The following MACROD2 variants were observed in gnomAD, a reference collection of about 807,000 sequenced individuals.
The protein encoded by MACROD2 is ADP-ribose glycohydrolase MACROD2.
MACROD2 carries 36 observed loss-of-function variants against 70.4 expected under a neutral mutation model. The ratio of observed to expected loss-of-function variants is 0.51; its 90% confidence interval spans 0.39 to 0.68. The LOEUF (loss-of-function observed/expected upper bound fraction) is 0.68. Ranked by LOEUF, MACROD2 falls within the 30% of genes least tolerant of loss-of-function variation. The pLI, the probability that MACROD2 is intolerant of heterozygous loss-of-function variation, is 0.00. For missense variants in MACROD2, 496 were observed against 538.4 expected (o/e 0.92, Z 0.78); for synonymous variants, 172 against 178.8 (o/e 0.96, Z 0.30).
chr20:15,049,464 G>T (rs2075421869), intron 5 of MACROD2, among the ~76,000 whole-genome samples: 1 of 151,558 alleles, frequency 6.6e-6, no homozygotes, highest in Non-Finnish European at 1.5e-5. Flanking sequence ...TTCAAGAGAA[G>T]TAAAAAAAAA....
intron 8 of MACROD2, among the ~76,000 whole-genome samples, chr20:15,612,814 T>C (rs1243981899): frequency 2.6e-5 from 4 of 152,210 alleles, no homozygotes; most frequent in African/African-American, 9.6e-5. Context: ...CATCTTAGGC[T>C]TCTGGCTATA....
intron 5 of MACROD2, among the ~76,000 whole-genome samples, chr20:15,184,857 T>G (rs1299877445): frequency 6.6e-6 from 1 of 152,178 alleles, no homozygotes; most frequent in Non-Finnish European, 1.5e-5. Context: ...TTAATATATG[T>G]TTAAAATACA....
At chr20:14,582,731 C>T (rs1467508779) in intron 4 of MACROD2, among the ~76,000 whole-genome samples, 1 of 152,090 alleles carries the variant, frequency 6.6e-6, no homozygotes, top group Non-Finnish European at 1.5e-5. Flanking sequence ...TTAATAAGGA[C>T]CACCCAGATA....
chr20:15,562,277 G>C (rs1202213163), intron 8 of MACROD2, among the ~76,000 whole-genome samples: 1 of 152,078 alleles, frequency 6.6e-6, no homozygotes, highest in African/African-American at 2.4e-5. Flanking sequence ...GTTTCTGATG[G>C]AATCCTAACC....
intron 5 of MACROD2, among the ~76,000 whole-genome samples, chr20:14,907,026 G>A (rs2073967416): frequency 6.6e-6 from 1 of 152,148 alleles, no homozygotes; most frequent in Admixed American, 6.5e-5. Flanking sequence ...TTGGACACTG[G>A]ACCAAATTGC....
chr20:14,713,520 T>A (rs2071362055), intron 5 of MACROD2, among the ~76,000 whole-genome samples: 1 of 152,146 alleles, frequency 6.6e-6, no homozygotes, highest in Non-Finnish European at 1.5e-5. Context: ...CTCCAAGAAT[T>A]TTCCAAGTCT....
intron 3 of MACROD2, chr20:14,323,155 T>C (rs2082681710): frequency 6.6e-6 from 1 of 151,870 alleles, no homozygotes; most frequent in South Asian, 2.1e-4. Context: ...GGAAATTGTG[T>C]CATATCCCAC....
chr20:14,176,012 C>T (rs1395693417), intron 3 of MACROD2, among the ~76,000 whole-genome samples: 1 of 152,178 alleles, frequency 6.6e-6, no homozygotes, highest in Non-Finnish European at 1.5e-5. Context: ...TATAGTTCAG[C>T]ATTAGTAGGG....
intron 3 of MACROD2, among the ~76,000 whole-genome samples, chr20:14,208,725 A>AG (rs996478612): frequency 1.6e-4 from 25 of 152,026 alleles, no homozygotes; most frequent in African/African-American, 5.8e-4. Flanking sequence ...TGCTGATTAG[A>AG]GTTGGTTTTC....
intron 15 of MACROD2, among the ~76,000 whole-genome samples, chr20:16,004,281 A>G (rs960757671): frequency 1.3e-5 from 2 of 152,136 alleles, no homozygotes; most frequent in Non-Finnish European, 2.9e-5. Flanking sequence ...TTTCTCCCAC[A>G]GTGGCAGGTG....
At chr20:15,940,170 T>G (rs764520163) in intron 12 of MACROD2, among the ~76,000 whole-genome samples, 5 of 152,134 alleles carry the variant, frequency 3.3e-5, no homozygotes, top group Non-Finnish European at 7.4e-5. Context: ...CTTGGCTCAC[T>G]GCAACCTCCG....
Position 15,616,592 on chromosome 20 carries a change from T to C in MACROD2, c.645+116745T>C, listed in dbSNP as rs76880922. 4.0e-3 allele frequency among the ~76,000 whole-genome samples: 602 copies of C among 152,298 alleles called. 1 individual carries two copies. Among genetic ancestry groups the C allele is most frequent in the African/African-American group, 0.014 (570 of 41,562 alleles). ...TAAACGCCCCAGGACATGACTGCTC[T>C]GTCTGCCCTTCCATACCTCTAGACG... On this transcript the variant is annotated intron_variant, in intron 8 of 17. Coordinates refer to ENST00000684519, the MANE Select transcript of MACROD2 (RefSeq NM_001351661.2).
chr20:15,134,929 C>T (rs1441981176), intron 5 of MACROD2, among the ~76,000 whole-genome samples: 1 of 152,108 alleles, frequency 6.6e-6, no homozygotes, highest in Non-Finnish European at 1.5e-5. Flanking sequence ...GAGAATACTA[C>T]AAGCACCTCT....
intron 9 of MACROD2, among the ~76,000 whole-genome samples, chr20:15,872,837 C>T (rs1335865393): frequency 6.6e-6 from 1 of 152,052 alleles, no homozygotes; most frequent in East Asian, 1.9e-4. Context: ...GTTGCTTATC[C>T]TTCTGATCTT....
At chr20:14,029,790 T>G (rs2053224403) in intron 2 of MACROD2, among the ~76,000 whole-genome samples, 1 of 152,228 alleles carries the variant, frequency 6.6e-6, no homozygotes, top group Non-Finnish European at 1.5e-5. Flanking sequence ...TAAAATAATT[T>G]ACCTTTGTAC....
intron 8 of MACROD2, among the ~76,000 whole-genome samples, chr20:15,741,334 C>T (rs1046855355): frequency 5.3e-5 from 8 of 151,210 alleles, no homozygotes; most frequent in Non-Finnish European, 2.9e-5. Context: ...CTTCTGACCT[C>T]GTGATCTGCC....
intron 5 of MACROD2, among the ~76,000 whole-genome samples, chr20:14,761,896 C>G (rs1338665028): frequency 6.6e-6 from 1 of 152,148 alleles, no homozygotes; most frequent in Non-Finnish European, 1.5e-5. Flanking sequence ...GAAAACAAGT[C>G]AGTAAATACT....
intron 4 of MACROD2, among the ~76,000 whole-genome samples, chr20:14,641,065 C>T (rs1985063523): frequency 2.0e-5 from 3 of 152,220 alleles, no homozygotes; most frequent in South Asian, 2.1e-4. Context: ...TATCAGTCCT[C>T]TCAAACCCTG....
At chr20:15,736,246 A>G (rs1371905173) in intron 8 of MACROD2, among the ~76,000 whole-genome samples, 1 of 152,170 alleles carries the variant, frequency 6.6e-6, no homozygotes, top group East Asian at 1.9e-4. Context: ...CCACATCCAC[A>G]CTCCAACAAG....
Sources: allele counts gnomAD v4.1 joint callset (sites outside exome capture counted in the v4.1 genomes callset), GRCh38; gene constraint gnomAD v4.1.1; transcripts MANE v1.5; gene names NCBI Gene and HGNC (gene_info 2026-07-23, HGNC 2026-07-21).